Variants in ZNF385D observed in about 807,000 individuals in gnomAD.
ZNF385D encodes zinc finger protein 659.
Under a neutral mutation model 35.8 loss-of-function variants are expected in ZNF385D, and 15 were observed. That is an observed-to-expected ratio of 0.42 (90% CI 0.28 to 0.64). The LOEUF is 0.64. Ranked by LOEUF, ZNF385D falls within the 30% of genes least tolerant of loss-of-function variation. The pLI, the probability that ZNF385D is intolerant of heterozygous loss-of-function variation, is 0.23. For synonymous variants in ZNF385D, 212 were observed against 186.8 expected (o/e 1.13, Z -1.10); for missense variants, 474 against 494.6 (o/e 0.96, Z 0.39).
chr3:21,437,260 A>G (rs1701603593), intron 4 of ZNF385D, 57 bp from the exon 5 acceptor site: 1 of 1,479,960 alleles, frequency 6.8e-7, no homozygotes, highest in African/African-American at 1.4e-5. Context: ...ATCTTTCCCT[A>G]TTCAGGAATG....
At chr3:21,573,199 G>T (rs993646291) in intron 2 of ZNF385D, among the ~76,000 whole-genome samples, 1 of 152,108 alleles carries the variant, frequency 6.6e-6, no homozygotes, top group Non-Finnish European at 1.5e-5. Context: ...AGGTTCTCTA[G>T]ATATACAGAG....
At chr3:21,736,852 T>C (rs1039695784) in intron 1 of ZNF385D, among the ~76,000 whole-genome samples, 1 of 152,242 alleles carries the variant, frequency 6.6e-6, no homozygotes, top group Non-Finnish European at 1.5e-5. Flanking sequence ...GATAGAAATA[T>C]ATGTAGAAAT....
intron 1 of ZNF385D, among the ~76,000 whole-genome samples, chr3:21,710,507 G>C (rs1225529302): frequency 1.3e-5 from 2 of 152,082 alleles, no homozygotes; most frequent in East Asian, 3.9e-4. Context: ...CATAACCTGA[G>C]AATCATTCGA....
upstream of ZNF385D, among the ~76,000 whole-genome samples, chr3:21,753,789 T>TTGTTGTGTG (rs1553653025): frequency 1.6e-5 from 2 of 124,620 alleles, no homozygotes; most frequent in Admixed American, 7.5e-5. Flanking sequence ...GTTGTTGTTG[T>TTGTTGTGTG]TGTGTGTGTG....
chr3:21,485,805 T>A (rs1040129773), intron 4 of ZNF385D, among the ~76,000 whole-genome samples: 2 of 152,110 alleles, frequency 1.3e-5, no homozygotes, highest in Non-Finnish European at 2.9e-5. Flanking sequence ...ACTTGACAGA[T>A]GAAGAAAATT....
At chr3:22,181,227 G>A (rs1236872527) in intron 2 of ZNF385D, among the ~76,000 whole-genome samples, 1 of 151,968 alleles carries the variant, frequency 6.6e-6, no homozygotes, top group Non-Finnish European at 1.5e-5. Context: ...GATATCTTCA[G>A]GCTATATGAG....
intron 3 of ZNF385D, among the ~76,000 whole-genome samples, chr3:22,058,037 A>C (rs1699498779): frequency 6.6e-6 from 1 of 152,184 alleles, no homozygotes; most frequent in African/African-American, 2.4e-5. Context: ...CATCACAACC[A>C]AACTAAAACA....
intron 1 of ZNF385D, among the ~76,000 whole-genome samples, chr3:21,669,474 A>G (rs570975335): frequency 1.4e-4 from 22 of 152,360 alleles, no homozygotes; most frequent in African/African-American, 4.8e-4. Context: ...ATGAAAAAAC[A>G]AAAACAGAGT....
chr3:21,879,168 A>T (rs566063647), intron 3 of ZNF385D, among the ~76,000 whole-genome samples: 24 of 152,152 alleles, frequency 1.6e-4, no homozygotes, highest in Admixed American at 1.3e-3. Flanking sequence ...CCTCTTGTTG[A>T]ATTTTTAAAA....
intron 3 of ZNF385D, among the ~76,000 whole-genome samples, chr3:22,034,992 A>G (rs942418795): frequency 6.6e-6 from 1 of 152,180 alleles, no homozygotes; most frequent in Non-Finnish European, 1.5e-5. Context: ...AAATGGTACA[A>G]TTTTTATATT....
At position 21,627,534 on chromosome 3, in the gene ZNF385D, C is replaced by T. The variant is rs553493492; in HGVS notation, c.165+37352G>A. 7.6e-4 allele frequency among the ~76,000 whole-genome samples: 115 copies of T among 152,210 alleles called. 1 individual carries two copies. The highest frequency in any genetic ancestry group is 1.4e-3 in the Non-Finnish European group (95 of 67,988). On this transcript the variant is annotated intron_variant, in intron 2 of 7. Coordinates refer to ENST00000281523, the MANE Select transcript of ZNF385D (RefSeq NM_024697.3). The stretch of plus-strand genomic sequence containing the variant: ...CAAGTGTCTATTTCTCACCATCTAT[C>T]TCATTCCCATCCCTGAAATTCTATA...
At chr3:21,637,489 C>T (rs2065483186) in intron 2 of ZNF385D, among the ~76,000 whole-genome samples, 1 of 152,066 alleles carries the variant, frequency 6.6e-6, no homozygotes, top group African/African-American at 2.4e-5. Context: ...ATACCAGTAC[C>T]ATGCTGTTTT....
At chr3:21,484,634 G>A (rs762709087) in intron 4 of ZNF385D, among the ~76,000 whole-genome samples, 3 of 152,166 alleles carry the variant, frequency 2.0e-5, no homozygotes, top group African/African-American at 7.2e-5. Flanking sequence ...CCCTTTGGAG[G>A]GGGGACTGCC....
intron 2 of ZNF385D, among the ~76,000 whole-genome samples, chr3:22,360,980 G>C (rs1176271839): frequency 1.3e-5 from 2 of 151,892 alleles, no homozygotes; most frequent in African/African-American, 4.8e-5. Flanking sequence ...CAAACCTTTT[G>C]TTATTCTGAT....
At chr3:21,674,703 C>T (rs577862172) in intron 1 of ZNF385D, among the ~76,000 whole-genome samples, 2 of 152,186 alleles carry the variant, frequency 1.3e-5, no homozygotes, top group East Asian at 3.9e-4. Context: ...GTAGAAAGAT[C>T]ACTCCCTGGT....
At chr3:21,619,411 T>TGC (rs1249137053) in intron 2 of ZNF385D, among the ~76,000 whole-genome samples, 3 of 140,112 alleles carry the variant, frequency 2.1e-5, no homozygotes, top group Non-Finnish European at 4.5e-5. Context: ...ATCGTGTGTG[T>TGC]GCGTGTGTGT....
chr3:21,768,998 G>A (rs1036544619), intron 3 of ZNF385D, among the ~76,000 whole-genome samples: 2 of 151,592 alleles, frequency 1.3e-5, no homozygotes, highest in African/African-American at 4.9e-5. Flanking sequence ...AACAAAAACC[G>A]GGATTGTTAT....
At chr3:22,196,659 C>T (rs1189186898) in intron 2 of ZNF385D, among the ~76,000 whole-genome samples, 2 of 151,954 alleles carry the variant, frequency 1.3e-5, no homozygotes, top group Non-Finnish European at 2.9e-5. Flanking sequence ...TGGAAAATTC[C>T]AGAACCTTTC....
At chr3:22,282,218 G>A (rs896208274) in intron 2 of ZNF385D, among the ~76,000 whole-genome samples, 2 of 151,430 alleles carry the variant, frequency 1.3e-5, no homozygotes, top group African/African-American at 2.4e-5. Flanking sequence ...TTTATCTGTT[G>A]TACTGTTTTA....
Sources: allele counts gnomAD v4.1 joint callset (sites outside exome capture counted in the v4.1 genomes callset), GRCh38; gene constraint gnomAD v4.1.1; transcripts MANE v1.5; gene names NCBI Gene and HGNC (gene_info 2026-07-23, HGNC 2026-07-21).